Variants in STXBP6 observed in about 807,000 individuals in gnomAD.
STXBP6 encodes the protein syntaxin-binding protein 6.
Under a neutral mutation model 26.9 loss-of-function variants are expected in STXBP6, and 21 were observed. The ratio of observed to expected loss-of-function variants is 0.78; its 90% CI spans 0.55 to 1.12. The LOEUF (loss-of-function observed/expected upper bound fraction) is 1.12. Among genes scored for constraint, STXBP6 ranks in the 50% most tolerant of loss-of-function variants. The probability of loss-of-function intolerance (pLI) is 0.00; values close to 1 mark genes in which losing one functional copy is unlikely to be tolerated. For missense variants in STXBP6, 232 were observed against 257.9 expected (o/e 0.90, Z 0.69); for synonymous variants, 97 against 92.6 (o/e 1.05, Z -0.27).
chr14:24,880,141 T>C (rs11848184), intron 2 of STXBP6, among the ~76,000 whole-genome samples: 8 of 152,212 alleles, frequency 5.3e-5, no homozygotes, highest in African/African-American at 1.9e-4. Context: ...CGAGTTGTCT[T>C]GTGCTAAAGG....
At chr14:25,004,489 T>C (rs1423738448) in intron 1 of STXBP6, among the ~76,000 whole-genome samples, 2 of 152,174 alleles carry the variant, frequency 1.3e-5, no homozygotes, top group African/African-American at 2.4e-5. Context: ...GTTGACCACC[T>C]GAAATAAGTT....
chr14:24,922,026 G>A (rs937530843), intron 2 of STXBP6, among the ~76,000 whole-genome samples: 1 of 151,708 alleles, frequency 6.6e-6, no homozygotes, highest in Non-Finnish European at 1.5e-5. Context: ...TCATATTCCA[G>A]GCCTTGCCGA....
chr14:24,821,808 T>A (rs1566379378), intron 4 of STXBP6, among the ~76,000 whole-genome samples: 1 of 152,212 alleles, frequency 6.6e-6, no homozygotes, highest in Non-Finnish European at 1.5e-5. Context: ...ACTTCCCAGC[T>A]GGATTACAAA....
At chr14:25,006,840 A>G (rs753432818) in intron 1 of STXBP6, among the ~76,000 whole-genome samples, 28 of 151,982 alleles carry the variant, frequency 1.8e-4, no homozygotes, top group Non-Finnish European at 3.2e-4. Context: ...TTCTTCTCAG[A>G]GCAATTTTTC....
At chr14:24,856,938 A>C (rs894020635) in intron 3 of STXBP6, 89 bp downstream of exon 3, 2 of 1,470,822 alleles carry the variant, frequency 1.4e-6, no homozygotes, top group African/African-American at 1.4e-5. Context: ...CTTAAGAATG[A>C]TTCAAACCAC....
rs546981455 is a variant in STXBP6, at chr14:24,893,896, G to A, written c.155-36739C>T. On this transcript the variant is annotated intron_variant, in intron 2 of 5. Coordinates refer to ENST00000323944, the MANE Select transcript of STXBP6 (RefSeq NM_001394410.1). Reference sequence around the variant, plus strand: ...CTAGTCATTCCTCTTTTGGGTTAGTGGCATTTTATAAAAAGACCATATAAC... The same window carrying A: ...CTAGTCATTCCTCTTTTGGGTTAGTAGCATTTTATAAAAAGACCATATAAC... Among the ~76,000 whole-genome samples, 10 of 152,012 alleles carry A rather than the reference G, an allele frequency of 6.6e-5. No individual in the cohort carries two copies. In the South Asian group the frequency reaches 2.1e-3, roughly 32 times the overall value.
intron 2 of STXBP6, among the ~76,000 whole-genome samples, chr14:24,969,877 C>T (rs1216959301): frequency 6.6e-6 from 1 of 152,184 alleles, no homozygotes; most frequent in East Asian, 1.9e-4. Context: ...AGTTTCCACC[C>T]ACCTTAGGAG....
At chr14:24,879,834 T>C (rs1323618010) in intron 2 of STXBP6, among the ~76,000 whole-genome samples, 1 of 152,066 alleles carries the variant, frequency 6.6e-6, no homozygotes, top group African/African-American at 2.4e-5. Flanking sequence ...TCCCACACAG[T>C]GGTAGGGCAG....
chr14:24,845,185 T>C (rs887613927), intron 4 of STXBP6, among the ~76,000 whole-genome samples: 1 of 152,074 alleles, frequency 6.6e-6, no homozygotes, highest in Admixed American at 6.6e-5. Context: ...CTAATTTTTT[T>C]GTACTTTTAA....
intron 1 of STXBP6, among the ~76,000 whole-genome samples, chr14:25,007,970 C>T (rs1209666030): frequency 6.6e-6 from 1 of 152,186 alleles, no homozygotes; most frequent in African/African-American, 2.4e-5. Context: ...ACAAAAACTA[C>T]ATCTGCAGGC....
In STXBP6 at chr14:24,869,312, A is replaced by G. The variant is rs191607898; in HGVS notation, c.155-12155T>C. Among the ~76,000 whole-genome samples the G allele has an allele frequency of 2.6e-5, 4 of 152,338 alleles. No individual in the cohort carries two copies. In the East Asian group the frequency reaches 5.8e-4, roughly 22 times the overall value. ...TGACTACCAAATCCTGCTATGTGGT[A>G]AAGAGCAGCTTCTCTCATAAAGAAA... On this transcript the variant is annotated intron_variant, in intron 2 of 5. Coordinates refer to ENST00000323944, the MANE Select transcript of STXBP6 (RefSeq NM_001394410.1).
At chr14:24,863,582 A>C (rs1396058512) in intron 2 of STXBP6, among the ~76,000 whole-genome samples, 1 of 152,186 alleles carries the variant, frequency 6.6e-6, no homozygotes. Context: ...AAATATCAAG[A>C]GATATCAAGA....
chr14:24,834,180 A>G (rs1018435169), intron 4 of STXBP6, among the ~76,000 whole-genome samples: 3 of 152,084 alleles, frequency 2.0e-5, no homozygotes, highest in African/African-American at 7.2e-5. Context: ...TTTTCTGTAG[A>G]GACGAGGTCT....
At chr14:24,874,832 T>C (rs1224798330) in intron 2 of STXBP6, among the ~76,000 whole-genome samples, 1 of 152,092 alleles carries the variant, frequency 6.6e-6, no homozygotes, top group East Asian at 1.9e-4. Flanking sequence ...ATCGACCGGC[T>C]GTCTCCTGAG....
In STXBP6 at chr14:24,926,233, AGCCTT is replaced by A. The variant is rs755561135; in HGVS notation, c.154+48427_154+48431del. 5.1e-4 allele frequency among the ~76,000 whole-genome samples: 78 copies of A among 152,322 alleles called. No homozygotes were observed. The East Asian group carries it at 0.011, about 22-fold the overall frequency. The stretch of plus-strand genomic sequence containing the variant: ...CCTGGTGAAGAAAAGGGAAAAAAAA[AGCCTT>A]GCTAAAGGGAGCAGAACGCTAGGGG... On this transcript the variant is annotated intron_variant, in intron 2 of 5. Transcript: ENST00000323944.
At chr14:25,037,926 C>G (rs924220428) in intron 1 of STXBP6, among the ~76,000 whole-genome samples, 2 of 152,202 alleles carry the variant, frequency 1.3e-5, no homozygotes, top group Non-Finnish European at 2.9e-5. Context: ...TTTTATACCT[C>G]TATATACCAC....
chr14:24,964,195 A>C (rs2073652098), intron 2 of STXBP6, among the ~76,000 whole-genome samples: 1 of 152,132 alleles, frequency 6.6e-6, no homozygotes, highest in Non-Finnish European at 1.5e-5. Flanking sequence ...GGAGGTACCT[A>C]CAACAGTCTC....
chr14:24,856,714 GT>G (rs35192599), intron 3 of STXBP6, among the ~76,000 whole-genome samples: 46 of 147,458 alleles, frequency 3.1e-4, no homozygotes, highest in African/African-American at 6.5e-4. Context: ...TGGTAAACAT[GT>G]TTTTTTTTTT....
At position 24,974,870 on chromosome 14, in the gene STXBP6, A is replaced by G. The variant is rs755765921; in HGVS notation, c.-32-20T>C. On this transcript the variant is annotated intron_variant, in intron 1 of 5. Coordinates refer to ENST00000323944, the MANE Select transcript of STXBP6 (RefSeq NM_001394410.1). ...GTGAATCTTTTAAAGAAGGAAAAGA[A>G]AGGAAAGTTGGAATTGACAACATTG... 1.7e-5 allele frequency: 26 copies of G among 1,496,904 alleles called. No homozygotes were observed. Among genetic ancestry groups the G allele is most frequent in the Non-Finnish European group, 2.3e-5 (26 of 1,112,332 alleles). The allele number at this position is 1,496,904 out of a possible 1,614,324, so 92.7% of individuals were successfully genotyped here. A position where few individuals can be genotyped will look rare whatever the true frequency, so the allele number is the denominator to read the frequency against.
Sources: allele counts gnomAD v4.1 joint callset (sites outside exome capture counted in the v4.1 genomes callset), GRCh38; gene constraint gnomAD v4.1.1; transcripts MANE v1.5; gene names NCBI Gene and HGNC (gene_info 2026-07-23, HGNC 2026-07-21).